The following PSG2 variants were observed in gnomAD, a reference collection of about 807,000 sequenced individuals.
PSG2 encodes the protein pregnancy-specific beta-1-glycoprotein 2.
Under a neutral mutation model 36.2 loss-of-function variants are expected in PSG2, and 49 were observed. The observed-to-expected ratio is 1.35, with a 90% CI of 1.08 to 1.72. The LOEUF is 1.72. PSG2 is among the 40% of genes most tolerant of loss of function. The pLI is 0.00. For synonymous variants in PSG2, 261 were observed against 155.6 expected (o/e 1.68, Z -5.04); for missense variants, 605 against 407.2 (o/e 1.49, Z -4.18).
chr19:43,079,285 A>G (rs1967938214), intron 2 of PSG2, among the ~76,000 whole-genome samples: 2 of 151,418 alleles, frequency 1.3e-5, no homozygotes, highest in African/African-American at 4.9e-5. Context: ...TCCAGAACCA[A>G]GGAGCCCTGA....
chr19:43,073,818 T>G (rs1463742348), intron 3 of PSG2, among the ~76,000 whole-genome samples: 3 of 151,670 alleles, frequency 2.0e-5, no homozygotes, highest in Non-Finnish European at 2.9e-5. Flanking sequence ...AGACAAAAAG[T>G]GTTTCGGATT....
In PSG2 at chr19:43,082,518, G is replaced by A. The variant is rs147111943; in HGVS notation, c.52C>T (p.Leu18Phe). Reference sequence around the variant, plus strand: ...GTTCTCTCCTCACCTGTGACCAGGAGCCCCTTCCATTTGATGTGCTCTGTG... The same window carrying A: ...GTTCTCTCCTCACCTGTGACCAGGAACCCCTTCCATTTGATGTGCTCTGTG... Reference protein sequence around the residue: ...PCTEHIKWKGLLVTASLLNFW... With the variant: ...PCTEHIKWKGFLVTASLLNFW... The change falls in exon 1 of 6, where the codon CTC (leucine) becomes TTC (phenylalanine). Residue 18 changes from leucine to phenylalanine, a missense_variant. Coordinates refer to ENST00000406487, the MANE Select transcript of PSG2 (RefSeq NM_031246.4). The A allele has an allele frequency of 4.2e-4, 681 of 1,611,874 alleles. 19 individuals are homozygous for A. The African/African-American group carries it at 8.5e-3, about 20-fold the overall frequency.
At chr19:43,082,385 C>T in intron 1 of PSG2, 121 bp downstream of exon 1, 1 of 1,462,112 alleles carries the variant, frequency 6.8e-7, no homozygotes, top group Non-Finnish European at 9.5e-7. Flanking sequence ...CGTGATCCAC[C>T]CACCTCAGCC....
rs577455315 is a variant in PSG2 at position 43,066,853 on chromosome 19, G to A, written c.965-253C>T. On this transcript the variant is annotated intron_variant, in intron 4 of 5. Transcript: ENST00000406487. ...GATATTTTGGAAGGCTTTCAGATGT[G>A]AGAAAGGCTGATTGCTATTTTCTAT... is the stretch of plus-strand genomic sequence containing the variant. 6.7e-5 allele frequency among the ~76,000 whole-genome samples: 10 copies of A among 148,536 alleles called. 1 individual carries two copies. Among genetic ancestry groups the A allele is most frequent in the Admixed American group, 3.4e-4 (5 of 14,676 alleles).
At chr19:43,075,951 G>A (rs149067422) in intron 2 of PSG2, among the ~76,000 whole-genome samples, 2,300 of 151,572 alleles carry the variant, frequency 0.015, 44 homozygotes, top group Non-Finnish European at 0.023. Context: ...TGCCTGCCTG[G>A]CCCACCTTGT....
chr19:43,080,364 G>T (rs1206226486), intron 2 of PSG2, among the ~76,000 whole-genome samples: 1 of 151,788 alleles, frequency 6.6e-6, no homozygotes, highest in South Asian at 2.1e-4. Flanking sequence ...ACAGCTCCAG[G>T]AGACACAGTC....
intron 4 of PSG2, among the ~76,000 whole-genome samples, chr19:43,068,227 G>A (rs960648071): frequency 2.6e-5 from 4 of 151,416 alleles, no homozygotes; most frequent in Non-Finnish European, 5.9e-5. Flanking sequence ...CTTGAGACCA[G>A]GTGTTTGGAC....
intron 3 of PSG2, 132 bp from the exon 4 acceptor site, chr19:43,072,086 C>T: frequency 7.1e-7 from 1 of 1,418,008 alleles, no homozygotes; most frequent in Non-Finnish European, 9.6e-7. Flanking sequence ...CCTCTATGTT[C>T]ACTGAGCCGA....
At chr19:43,066,156 G>A (rs1317742035) in intron 5 of PSG2, among the ~76,000 whole-genome samples, 2 of 151,716 alleles carry the variant, frequency 1.3e-5, no homozygotes, top group African/African-American at 4.9e-5. Flanking sequence ...TCAAAGTCTG[G>A]AGACAAGAAG....
chr19:43,072,932 T>A (rs1484561372), intron 3 of PSG2, among the ~76,000 whole-genome samples: 1 of 151,692 alleles, frequency 6.6e-6, no homozygotes, highest in Non-Finnish European at 1.5e-5. Flanking sequence ...CTCTCCCTAA[T>A]CAGTTGACTG....
At position 43,081,107 on chromosome 19, in the gene PSG2, G is replaced by C; in HGVS notation, c.204C>G (p.Tyr68Ter). Residue 68 changes from tyrosine to a stop codon, truncating the protein, a stop_gained, in exon 2 of 6, where the codon TAC becomes TAG. Coordinates refer to ENST00000406487, the MANE Select transcript of PSG2 (RefSeq NM_031246.4). LOFTEE classifies it high-confidence loss of function. ...LPQNLTGYIW[Y>*]KGQIRDLYHY... is the part of the protein sequence containing the mutation. ...GGTAGAGGTCCCTGATTTGCCCTTT[G>C]TACCAGATGTAGCCAGTAAGATTCT... The C allele has an allele frequency of 6.2e-7, 1 of 1,612,778 alleles. No homozygotes were observed. The highest frequency in any genetic ancestry group is 1.1e-5 in the South Asian group (1 of 91,040).
At chr19:43,075,068 C>G (rs541824676) in intron 3 of PSG2, among the ~76,000 whole-genome samples, 1 of 151,714 alleles carries the variant, frequency 6.6e-6, no homozygotes, top group African/African-American at 2.4e-5. Flanking sequence ...AACTCCCAGC[C>G]AAATCCCCGC....
chr19:43,076,994 C>T (rs1001135884), intron 2 of PSG2, among the ~76,000 whole-genome samples: 25 of 151,520 alleles, frequency 1.6e-4, no homozygotes, highest in African/African-American at 1.5e-4. Flanking sequence ...ATTTGGGATG[C>T]TCAATTCGTA....
chr19:43,072,568 T>G (rs539349845), intron 3 of PSG2: 252 of 1,611,408 alleles, frequency 1.6e-4, no homozygotes, highest in Middle Eastern at 6.5e-4. Context: ...TGAAGGCTAA[T>G]ACATCCTTAT....
intron 2 of PSG2, among the ~76,000 whole-genome samples, chr19:43,076,742 T>C (rs1484271048): frequency 2.0e-5 from 3 of 151,704 alleles, no homozygotes; most frequent in Non-Finnish European, 2.9e-5. Flanking sequence ...TCTAGAGATC[T>C]CCTGTACAGC....
At chr19:43,079,437 A>T (rs1007645918) in intron 2 of PSG2, among the ~76,000 whole-genome samples, 8 of 151,702 alleles carry the variant, frequency 5.3e-5, no homozygotes, top group Admixed American at 1.3e-4. Context: ...AGGATTCTGC[A>T]TCCAACATCC....
chr19:43,078,018 G>A (rs565667276), intron 2 of PSG2, among the ~76,000 whole-genome samples: 5 of 151,756 alleles, frequency 3.3e-5, no homozygotes, highest in Admixed American at 6.6e-5. Context: ...TGAAATGGGT[G>A]ATATGAGCCC....
chr19:43,068,689 A>C (rs1967776009), intron 4 of PSG2, among the ~76,000 whole-genome samples: 1 of 151,702 alleles, frequency 6.6e-6, no homozygotes, highest in Admixed American at 6.6e-5. Context: ...TTTTCATAAG[A>C]AAAACATTGT....
intron 2 of PSG2, among the ~76,000 whole-genome samples, chr19:43,078,757 T>G (rs149968541): frequency 6.6e-6 from 1 of 151,682 alleles, no homozygotes; most frequent in South Asian, 2.1e-4. Context: ...CATTAAAATC[T>G]TTCTTTACTA....
Sources: gnomAD v4.1 joint callset for allele counts (sites outside exome capture counted in the v4.1 genomes callset) on GRCh38, gnomAD v4.1.1 for gene constraint, MANE v1.5 for transcripts, NCBI Gene and HGNC (gene_info 2026-07-23, HGNC 2026-07-21) for gene names.